Variants in GATAD2B observed in about 807,000 individuals in gnomAD.
The protein encoded by GATAD2B is GATA zinc finger domain containing 2B.
Under a neutral mutation model 64.3 loss-of-function variants are expected in GATAD2B, and 8 were observed. The observed-to-expected ratio is 0.12, with a 90% CI of 0.07 to 0.22. The LOEUF (loss-of-function observed/expected upper bound fraction) is 0.22. Ranked by LOEUF, GATAD2B falls within the 10% of genes least tolerant of loss-of-function variation. GATAD2B has a pLI of 1.00. For missense variants in GATAD2B, 453 were observed against 752.0 expected (o/e 0.60, Z 4.65); for synonymous variants, 281 against 271.3 (o/e 1.04, Z -0.35).
chr1:153,899,883 C>T (rs1677715453), intron 1 of GATAD2B, among the ~76,000 whole-genome samples: 1 of 152,146 alleles, frequency 6.6e-6, no homozygotes, highest in Admixed American at 6.6e-5. Flanking sequence ...CCATTTGGTT[C>T]ATTAATTACA....
chr1:153,809,703 T>C lies in GATAD2B; in HGVS notation c.*474A>G, dbSNP rs1674226714. 2 of 149,590 alleles carry C rather than the reference T, an allele frequency of 1.3e-5. No homozygotes were observed. The highest frequency in any genetic ancestry group is 2.1e-4 in the South Asian group (1 of 4,696). The allele number at this position is 149,590 out of a possible 1,614,324, so 9.3% of individuals were successfully genotyped here. ...CTCGTATCATTGAACTGAATGTCATTTGTGTTTACAAAAAAAAAAAAAAAA... is the reference window on the plus strand; with the variant it reads ...CTCGTATCATTGAACTGAATGTCATCTGTGTTTACAAAAAAAAAAAAAAAA... On this transcript the variant is annotated 3_prime_UTR_variant, in exon 11 of 11. Coordinates refer to ENST00000368655, the MANE Select transcript of GATAD2B (RefSeq NM_020699.4).
Position 153,812,086 on chromosome 1 carries a change from G to C in GATAD2B, c.1466C>G (p.Thr489Arg), listed in dbSNP as rs1488163128. The C allele has an allele frequency of 6.2e-7, 1 of 1,612,964 alleles. No homozygotes were observed. The highest frequency in any genetic ancestry group is 2.2e-5 in the East Asian group (1 of 44,886). The change falls in exon 9 of 11, where the codon ACG becomes AGG. Residue 489 changes from threonine to arginine, a missense_variant. Thr to Arg is a moderately conservative substitution (Grantham distance 71). Around this residue, in one of 2 missense-constraint regions of GATAD2B, gnomAD observed 160 missense variants for 334.7 expected, o/e 0.48. Coordinates refer to ENST00000368655, the MANE Select transcript of GATAD2B (RefSeq NM_020699.4). ...LQQQAALSPTTAPAVSSVSKQ... is the reference protein window; with the variant it reads ...LQQQAALSPTRAPAVSSVSKQ... ...ACTGACACTGGACACAGCTGGAGCC[G>C]TAGTGGGGGAGAGGGCTGCCTGCTG...
At chr1:153,853,143 A>C in intron 1 of GATAD2B, 4 of 1,429,360 alleles carry the variant, frequency 2.8e-6, no homozygotes, top group Non-Finnish European at 3.9e-6. Context: ...TCTCTCCTCA[A>C]TCCTGTCTAG....
chr1:153,870,876 T>A (rs1427409656), intron 1 of GATAD2B, among the ~76,000 whole-genome samples: 2 of 152,176 alleles, frequency 1.3e-5, no homozygotes, highest in Admixed American at 1.3e-4. Context: ...TGTGTATATA[T>A]GAGAACCCAT....
At position 153,910,071 on chromosome 1, in the gene GATAD2B, C is replaced by T. The variant is rs538471021; in HGVS notation, c.-2+12662G>A. ...CAGAGGTTGCAGTGAGCCAAGAATG[C>T]GCCACTGTACTCCAGCCTGGCAACA... On this transcript the variant is annotated intron_variant, in intron 1 of 10. Transcript: ENST00000368655. Among the ~76,000 whole-genome samples the T allele has an allele frequency of 9.2e-5, 14 of 151,682 alleles. No homozygotes were observed. In the East Asian group the frequency reaches 1.6e-3, roughly 17 times the overall value.
chr1:153,812,242 C>A, intron 8 of GATAD2B, 110 bp from the exon 9 acceptor site: 2 of 643,484 alleles, frequency 3.1e-6, no homozygotes, highest in Non-Finnish European at 5.4e-6. Context: ...GTTGCCCAGG[C>A]TGGTCTGGCA....
At chr1:153,895,531 G>A (rs1300620625) in intron 1 of GATAD2B, among the ~76,000 whole-genome samples, 52 of 151,756 alleles carry the variant, frequency 3.4e-4, no homozygotes, top group East Asian at 1.9e-4. Flanking sequence ...AGTGAGCCAC[G>A]ATCGTGCCAC....
chr1:153,834,222 T>C (rs1675187246), intron 1 of GATAD2B, among the ~76,000 whole-genome samples: 1 of 151,338 alleles, frequency 6.6e-6, no homozygotes, highest in African/African-American at 2.4e-5. Flanking sequence ...GCCAGGATGG[T>C]CTCGAACTCC....
intron 1 of GATAD2B, among the ~76,000 whole-genome samples, chr1:153,871,143 C>T (rs1189491353): frequency 1.3e-5 from 2 of 151,932 alleles, no homozygotes; most frequent in African/African-American, 4.8e-5. Context: ...CTCGGCTCAC[C>T]ACAACCTCTG....
Position 153,807,756 on chromosome 1 carries a change from GC to G in GATAD2B, c.*2420del. 6.5e-6 allele frequency: 1 copy of G among 152,936 alleles called. No individual in the cohort carries two copies. Among genetic ancestry groups the G allele is most frequent in the Admixed American group, 6.5e-5 (1 of 15,292 alleles). The allele number at this position is 152,936 out of a possible 1,614,324, so 9.5% of individuals were successfully genotyped here. On this transcript the variant is annotated 3_prime_UTR_variant, in exon 11 of 11. Coordinates refer to ENST00000368655, the MANE Select transcript of GATAD2B (RefSeq NM_020699.4). ...CTCAGCTCAGGGCAGGGCAGGGACAGCCCCCAGCCAGACGGTATTGCACATT... is the reference window on the plus strand; with the variant it reads ...CTCAGCTCAGGGCAGGGCAGGGACAGCCCCAGCCAGACGGTATTGCACATT...
intron 1 of GATAD2B, among the ~76,000 whole-genome samples, chr1:153,854,447 CT>C (rs1319789995): frequency 6.6e-6 from 1 of 152,084 alleles, no homozygotes; most frequent in Non-Finnish European, 1.5e-5. Context: ...CTTTCAGTAA[CT>C]GAGACTAGGC....
In GATAD2B at chr1:153,810,067, T is replaced by C. The variant is rs911658243; in HGVS notation, c.*110A>G. On this transcript the variant is annotated 3_prime_UTR_variant, in exon 11 of 11. Transcript: ENST00000368655. ...TGTCTTCTGTTTTTCTGTTTTGCTTTCCGTGTATGGTAGGCACCAGTACAG... is the reference window on the plus strand; with the variant it reads ...TGTCTTCTGTTTTTCTGTTTTGCTTCCCGTGTATGGTAGGCACCAGTACAG... 64 of 1,073,062 alleles carry C rather than the reference T, an allele frequency of 6.0e-5. No homozygotes were observed. The highest frequency in any genetic ancestry group is 7.7e-5 in the Non-Finnish European group (58 of 752,140). The allele number at this position is 1,073,062 out of a possible 1,614,324, so 66.5% of individuals were successfully genotyped here.
At chr1:153,877,336 C>T (rs1171032908) in intron 1 of GATAD2B, among the ~76,000 whole-genome samples, 1 of 151,922 alleles carries the variant, frequency 6.6e-6, no homozygotes, top group African/African-American at 2.4e-5. Flanking sequence ...GAGTGAGACC[C>T]TGTCTCTAAT....
At chr1:153,825,525 G>C (rs759958300) in intron 2 of GATAD2B, among the ~76,000 whole-genome samples, 1 of 151,940 alleles carries the variant, frequency 6.6e-6, no homozygotes, top group Non-Finnish European at 1.5e-5. Flanking sequence ...CTGGGTTCAA[G>C]CAATTCTCAC....
chr1:153,819,749 G>A lies in GATAD2B; in HGVS notation c.336-14C>T, dbSNP rs1263802601. 3 of 1,571,182 alleles carry A rather than the reference G, an allele frequency of 1.9e-6. No homozygotes were observed. The highest frequency in any genetic ancestry group is 2.6e-6 in the Non-Finnish European group (3 of 1,164,812). On this transcript the variant is annotated splice_polypyrimidine_tract_variant and intron_variant, in intron 2 of 10. Coordinates refer to ENST00000368655, the MANE Select transcript of GATAD2B (RefSeq NM_020699.4). The stretch of plus-strand genomic sequence containing the variant: ...CGCTCTGGCTCACTAGACAAGAAAG[G>A]GAAAAAATAAGCTATTTCCAACAAA...
intron 1 of GATAD2B, among the ~76,000 whole-genome samples, chr1:153,870,607 G>C (rs1676631913): frequency 6.6e-6 from 1 of 151,976 alleles, no homozygotes. Flanking sequence ...ACTTCAAAAT[G>C]TGAAAAAAAT....
At chr1:153,843,967 T>C (rs967849692) in intron 1 of GATAD2B, among the ~76,000 whole-genome samples, 11 of 152,124 alleles carry the variant, frequency 7.2e-5, no homozygotes, top group Non-Finnish European at 5.9e-5. Flanking sequence ...TAAGAGAGTT[T>C]CCAGGACATG....
At chr1:153,826,021 T>C (rs985322386) in intron 2 of GATAD2B, among the ~76,000 whole-genome samples, 6 of 135,098 alleles carry the variant, frequency 4.4e-5, no homozygotes, top group East Asian at 2.1e-4. Context: ...TTTTTTTTTT[T>C]CAGACGAAGT....
chr1:153,813,490 C>T (rs746274902), intron 7 of GATAD2B, 38 bp from the exon 8 acceptor site: 1 of 1,350,250 alleles, frequency 7.4e-7, no homozygotes, highest in South Asian at 1.2e-5. Flanking sequence ...CTTTACATTT[C>T]CTATCTCCTC....
Sources: gnomAD v4.1 joint callset for allele counts (sites outside exome capture counted in the v4.1 genomes callset) on GRCh38, gnomAD v4.1.1 for gene constraint, gnomAD v4.1.1 regional missense constraint, MANE v1.5 for transcripts, NCBI Gene and HGNC (gene_info 2026-07-23, HGNC 2026-07-21) for gene names.